Variants in SPIRE1 observed in about 807,000 individuals in gnomAD.
The protein encoded by SPIRE1 is spire type actin nucleation factor 1, also known as protein spire homolog 1.
SPIRE1 carries 40 observed loss-of-function variants against 94.1 expected under a neutral mutation model. The ratio of observed to expected loss-of-function variants is 0.43; its 90% CI spans 0.33 to 0.55. The LOEUF (loss-of-function observed/expected upper bound fraction) is 0.55. Ranked by LOEUF, SPIRE1 falls within the 20% of genes least tolerant of loss-of-function variation. The pLI is 0.06. For missense variants in SPIRE1, 838 were observed against 975.2 expected (o/e 0.86, Z 1.87); for synonymous variants, 376 against 371.7 (o/e 1.01, Z -0.13).
At chr18:12,592,640 T>A (rs2036565620) in intron 2 of SPIRE1, among the ~76,000 whole-genome samples, 1 of 152,220 alleles carries the variant, frequency 6.6e-6, no homozygotes, top group Non-Finnish European at 1.5e-5. Flanking sequence ...GTTAATAATA[T>A]TCTTGCAAAG....
intron 2 of SPIRE1, among the ~76,000 whole-genome samples, chr18:12,549,694 C>T (rs1352572874): frequency 6.6e-6 from 1 of 151,786 alleles, no homozygotes; most frequent in Non-Finnish European, 1.5e-5. Flanking sequence ...CGTGATCCGC[C>T]TGCCTTGGCC....
At chr18:12,657,334 TGACCTCCGAG>T (rs201043053) in intron 1 of SPIRE1, among the ~76,000 whole-genome samples, 186 bp downstream of exon 1, 13,151 of 152,104 alleles carry the variant, frequency 0.086, 808 homozygotes, top group Non-Finnish European at 0.13. Context: ...CACGAGGCTC[TGACCTCCGAG>T]GGGCCCCGGC....
chr18:12,494,367 G>T (rs2033356909), intron 7 of SPIRE1, among the ~76,000 whole-genome samples: 1 of 152,112 alleles, frequency 6.6e-6, no homozygotes, highest in African/African-American at 2.4e-5. Context: ...GCTAAATTGT[G>T]GAGCCAGTGT....
At chr18:12,513,817 C>T (rs948988905) in intron 4 of SPIRE1, among the ~76,000 whole-genome samples, 1 of 151,774 alleles carries the variant, frequency 6.6e-6, no homozygotes. Context: ...GCCACTGCTC[C>T]CGGTCTGAAA....
At chr18:12,658,771 A>G (rs889374262), upstream of SPIRE1, 5 of 359,964 alleles carry the variant, frequency 1.4e-5, no homozygotes, top group Non-Finnish European at 2.9e-5. Context: ...TCCCATCTTC[A>G]GGGTAAGCAC....
Position 12,546,272 on chromosome 18 carries a change from A to G in SPIRE1, c.603+402T>C, listed in dbSNP as rs1183661299. ...CCAAAGTGCTGGGATTACAGCCGTG[A>G]GCCATCGCGCCCAGCCTCGTTATTA... On this transcript the variant is annotated intron_variant, in intron 3 of 16. Transcript: ENST00000409402. Among the ~76,000 whole-genome samples the G allele has an allele frequency of 2.6e-5, 4 of 152,122 alleles. No homozygotes were observed. The East Asian group carries it at 5.8e-4, about 22-fold the overall frequency.
chr18:12,581,609 ATCCCGGCAT>A (rs2036257733), intron 2 of SPIRE1, among the ~76,000 whole-genome samples: 1 of 152,216 alleles, frequency 6.6e-6, no homozygotes, highest in African/African-American at 2.4e-5. Context: ...CATGCCCGTA[ATCCCGGCAT>A]TCTGGGAGGT....
intron 10 of SPIRE1, among the ~76,000 whole-genome samples, chr18:12,467,891 G>A (rs1192099742): frequency 6.6e-6 from 1 of 152,132 alleles, no homozygotes; most frequent in Non-Finnish European, 1.5e-5. Flanking sequence ...GGAGGTTGCG[G>A]TGAGCTGAGA....
At chr18:12,465,973 A>T (rs1356781577) in intron 10 of SPIRE1, among the ~76,000 whole-genome samples, 1 of 151,886 alleles carries the variant, frequency 6.6e-6, no homozygotes, top group African/African-American at 2.4e-5. Flanking sequence ...AGTCCCAGCT[A>T]CTTGGGAGGC....
intron 2 of SPIRE1, among the ~76,000 whole-genome samples, chr18:12,602,464 G>A (rs937110219): frequency 1.2e-4 from 18 of 152,284 alleles, no homozygotes; most frequent in African/African-American, 4.3e-4. Flanking sequence ...CCAGGGTGCT[G>A]GGAGTTCACC....
At chr18:12,528,983 T>C (rs1314122219) in intron 4 of SPIRE1, among the ~76,000 whole-genome samples, 1 of 152,204 alleles carries the variant, frequency 6.6e-6, no homozygotes, top group Non-Finnish European at 1.5e-5. Context: ...TATATTCTTG[T>C]GGCAGACATC....
chr18:12,546,015 A>G (rs746700891), intron 3 of SPIRE1, among the ~76,000 whole-genome samples: 92 of 152,232 alleles, frequency 6.0e-4, no homozygotes, highest in Non-Finnish European at 9.0e-4. Context: ...ATTGAGACGG[A>G]GTCTCGCTCT....
chr18:12,661,418 G>A, upstream of SPIRE1: 1 of 915,580 alleles, frequency 1.1e-6, no homozygotes, highest in Non-Finnish European at 1.3e-6. Flanking sequence ...CTTCTCAGTG[G>A]AGTTCTAGCA....
At position 12,559,295 on chromosome 18, in the gene SPIRE1, G is replaced by C. The variant is rs1048024761; in HGVS notation, c.373-12391C>G. Reference sequence around the variant, plus strand: ...ACAGTGCAGGCGGGCCAGCAGTGCTGGGGGACCCAGCGCACCCTCCACAGC... The same window carrying C: ...ACAGTGCAGGCGGGCCAGCAGTGCTCGGGGACCCAGCGCACCCTCCACAGC... On this transcript the variant is annotated intron_variant, in intron 2 of 16. Transcript: ENST00000409402. The surrounding 1 kb of genome is among the most constrained non-coding windows in gnomAD (Gnocchi z 4.7). Among the ~76,000 whole-genome samples the C allele has an allele frequency of 1.3e-5, 2 of 152,290 alleles. No homozygotes were observed. Among genetic ancestry groups the C allele is most frequent in the African/African-American group, 4.8e-5 (2 of 41,574 alleles).
upstream of SPIRE1, among the ~76,000 whole-genome samples, chr18:12,660,939 C>T (rs766202698): frequency 6.6e-6 from 1 of 152,216 alleles, no homozygotes; most frequent in African/African-American, 2.4e-5. Flanking sequence ...AGTTATACAA[C>T]ATGAACACTT....
chr18:12,572,332 G>A lies in SPIRE1; in HGVS notation c.373-25428C>T, dbSNP rs531267326. ...ATCTCATTTTTTTTTTAATAGACAGGGTCTCACTATGTTGCCCCAACTGTC... is the reference window on the plus strand; with the variant it reads ...ATCTCATTTTTTTTTTAATAGACAGAGTCTCACTATGTTGCCCCAACTGTC... On this transcript the variant is annotated intron_variant, in intron 2 of 16. Coordinates refer to ENST00000409402, the MANE Select transcript of SPIRE1 (RefSeq NM_001128626.2). Among the ~76,000 whole-genome samples, 8 of 152,104 alleles carry A rather than the reference G, an allele frequency of 5.3e-5. No homozygotes were observed. In the South Asian group the frequency reaches 1.7e-3, roughly 32 times the overall value.
intron 6 of SPIRE1, among the ~76,000 whole-genome samples, chr18:12,503,415 T>C (rs1234064822): frequency 6.6e-6 from 1 of 152,246 alleles, no homozygotes; most frequent in African/African-American, 2.4e-5. Flanking sequence ...GGCTATGCCT[T>C]GTCCGTCTTT....
chr18:12,621,669 A>G (rs1041084787), intron 2 of SPIRE1, among the ~76,000 whole-genome samples: 1 of 152,216 alleles, frequency 6.6e-6, no homozygotes, highest in African/African-American at 2.4e-5. Flanking sequence ...AAATCTATAC[A>G]TATAGAAAGT....
chr18:12,501,074 A>G (rs1195120494), intron 6 of SPIRE1, among the ~76,000 whole-genome samples: 1 of 26,400 alleles, frequency 3.8e-5, no homozygotes, highest in Non-Finnish European at 1.3e-4. Flanking sequence ...CTCTGTCTCA[A>G]AAAAAAAAAA....
Sources: allele counts gnomAD v4.1 joint callset (sites outside exome capture counted in the v4.1 genomes callset), GRCh38; gene constraint gnomAD v4.1.1; non-coding constraint Gnocchi (gnomAD v3.1); transcripts MANE v1.5; gene names NCBI Gene and HGNC (gene_info 2026-07-23, HGNC 2026-07-21).